Variants in ZNF429 observed in about 807,000 individuals in gnomAD.
The protein encoded by ZNF429 is zinc finger protein 429.
Under a neutral mutation model 56.8 loss-of-function variants are expected in ZNF429, and 53 were observed. The ratio of observed to expected loss-of-function variants is 0.93; its 90% CI spans 0.75 to 1.17. The LOEUF is 1.17. ZNF429 is among the 50% of genes most tolerant of loss of function. The pLI, the probability that ZNF429 is intolerant of heterozygous loss-of-function variation, is 0.00. For missense variants in ZNF429, 849 were observed against 788.4 expected, an observed-to-expected ratio of 1.08 and a Z score of -0.92; for synonymous variants, 278 against 264.7, an observed-to-expected ratio of 1.05 and a Z score of -0.49.
intron 3 of ZNF429, among the ~76,000 whole-genome samples, chr19:21,535,070 GC>G: frequency 3.9e-5 from 5 of 128,886 alleles, no homozygotes; most frequent in African/African-American, 1.5e-4. Context: ...CTTGTGATCC[GC>G]CCGCCTCGGC....
intron 1 of ZNF429, among the ~76,000 whole-genome samples, chr19:21,515,564 T>A (rs2032700223): frequency 6.6e-6 from 1 of 152,060 alleles, no homozygotes; most frequent in Admixed American, 6.6e-5. Context: ...TTTTTTTGTG[T>A]GTGGTGTTTT....
rs142635283 is a variant in ZNF429 at position 21,510,001 on chromosome 19, C to T, written c.3+4227C>T. Among the ~76,000 whole-genome samples the T allele has an allele frequency of 5.1e-3, 770 of 151,924 alleles. 8 individuals are homozygous for T. Among genetic ancestry groups the T allele is most frequent in the African/African-American group, 0.018 (734 of 41,406 alleles). On this transcript the variant is annotated intron_variant, in intron 1 of 3. Coordinates refer to ENST00000358491, the MANE Select transcript of ZNF429 (RefSeq NM_001001415.4). ...TCTGCTTACTGCAACCTCCACCTCCCGGGTTCAAGCAATTCTCATTACTCA... is the reference window on the plus strand; with the variant it reads ...TCTGCTTACTGCAACCTCCACCTCCTGGGTTCAAGCAATTCTCATTACTCA...
intron 1 of ZNF429, among the ~76,000 whole-genome samples, chr19:21,525,784 TA>T: frequency 9.9e-5 from 1 of 10,126 alleles, no homozygotes; most frequent in East Asian, 1.6e-3. Context: ...ATTAAACTCT[TA>T]ATTTCTGTAT....
intron 3 of ZNF429, 82 bp from the exon 4 acceptor site, chr19:21,536,198 A>G: frequency 7.2e-7 from 1 of 1,394,508 alleles, no homozygotes; most frequent in Non-Finnish European, 9.6e-7. Context: ...CGTAGTTTTT[A>G]TAACTTTAGA....
chr19:21,511,922 C>T (rs554514981), intron 1 of ZNF429, among the ~76,000 whole-genome samples: 9 of 152,212 alleles, frequency 5.9e-5, no homozygotes, highest in South Asian at 2.1e-4. Context: ...CAAAAAAATA[C>T]GAAAACCAGT....
At chr19:21,515,674 C>T (rs889351992) in intron 1 of ZNF429, among the ~76,000 whole-genome samples, 6 of 152,028 alleles carry the variant, frequency 3.9e-5, no homozygotes, top group African/African-American at 1.4e-4. Flanking sequence ...CATCATAAAA[C>T]TTTGCCAGTT....
intron 3 of ZNF429, among the ~76,000 whole-genome samples, chr19:21,532,157 T>A: frequency 6.6e-6 from 1 of 151,780 alleles, no homozygotes; most frequent in Non-Finnish European, 1.5e-5. Context: ...ATATTTTGTA[T>A]CTATGGATTG....
At chr19:21,524,820 G>T (rs1047338831) in intron 1 of ZNF429, among the ~76,000 whole-genome samples, 2 of 152,166 alleles carry the variant, frequency 1.3e-5, no homozygotes, top group Non-Finnish European at 1.5e-5. Context: ...TTCAATGTAA[G>T]AGAAATGAAT....
At chr19:21,512,724 A>G (rs2032559497) in intron 1 of ZNF429, among the ~76,000 whole-genome samples, 2 of 151,994 alleles carry the variant, frequency 1.3e-5, no homozygotes, top group Admixed American at 1.3e-4. Context: ...ATGCAGCCCA[A>G]TAGGCTCTGG....
rs2033849020 is a variant in ZNF429 at position 21,539,572 on chromosome 19, C to G, written c.*1494C>G. Among the ~76,000 whole-genome samples, 4 of 150,960 alleles carry G rather than the reference C, an allele frequency of 2.6e-5. No homozygotes were observed. In the South Asian group the frequency reaches 8.4e-4, roughly 32 times the overall value. On this transcript the variant is annotated 3_prime_UTR_variant, in exon 4 of 4. Transcript: ENST00000358491. ...GAGTAGCTGGGAATACAGGCATACA[C>G]CAGCATGTCTGGCTATTTTTTTTTT...
chr19:21,537,233 G>T lies in ZNF429; in HGVS notation c.1180G>T (p.Glu394Ter). 6.2e-7 allele frequency: 1 copy of T among 1,613,882 alleles called. No individual in the cohort carries two copies. Among genetic ancestry groups the T allele is most frequent in the Non-Finnish European group, 8.5e-7 (1 of 1,179,916 alleles). ...LTRHKKIHTGEEPYKFEKCGR... is the reference protein window; with the variant it reads ...LTRHKKIHTG Reference sequence around the variant, plus strand: ...TCGACATAAAAAAATTCATACTGGAGAGGAACCCTACAAATTTGAAAAATG... The same window carrying T: ...TCGACATAAAAAAATTCATACTGGATAGGAACCCTACAAATTTGAAAAATG... Residue 394 changes from glutamate (E) to a stop codon, truncating the protein, a stop_gained, in exon 4 of 4, where the codon GAG becomes TAG. Transcript: ENST00000358491. LOFTEE classifies it high-confidence loss of function.
chr19:21,526,074 C>T (rs576610695), intron 1 of ZNF429, among the ~76,000 whole-genome samples: 13 of 73,964 alleles, frequency 1.8e-4, no homozygotes, highest in Middle Eastern at 5.0e-3. Context: ...CAGACTCATT[C>T]AGACATTGCT....
At chr19:21,521,384 A>C (rs2032980353) in intron 1 of ZNF429, 1 of 152,258 alleles carries the variant, frequency 6.6e-6, no homozygotes, top group South Asian at 2.1e-4. Context: ...ATTTCACAAT[A>C]GATCCCCCAT....
chr19:21,511,219 A>T (rs2032446748), intron 1 of ZNF429, among the ~76,000 whole-genome samples: 1 of 148,868 alleles, frequency 6.7e-6, no homozygotes, highest in African/African-American at 2.5e-5. Context: ...CTGACCCCCC[A>T]CCTCCCTCCC....
intron 1 of ZNF429, among the ~76,000 whole-genome samples, chr19:21,506,645 C>G (rs2032172986): frequency 6.6e-6 from 1 of 150,870 alleles, no homozygotes; most frequent in Non-Finnish European, 1.5e-5. Flanking sequence ...TAATTTCCAT[C>G]TTCAGCTTAC....
chr19:21,506,244 G>A (rs188068137), intron 1 of ZNF429, among the ~76,000 whole-genome samples: 213 of 152,236 alleles, frequency 1.4e-3, no homozygotes, highest in Non-Finnish European at 2.6e-3. Context: ...AGATCACTGA[G>A]GTCCGGCATT....
intron 1 of ZNF429, among the ~76,000 whole-genome samples, chr19:21,511,943 G>T (rs1054793436): frequency 1.3e-5 from 2 of 152,130 alleles, no homozygotes; most frequent in Non-Finnish European, 2.9e-5. Context: ...CAGGCGTGGC[G>T]GTGCGCGCCT....
chr19:21,525,202 T>G (rs1223012269), intron 1 of ZNF429, among the ~76,000 whole-genome samples: 1 of 152,236 alleles, frequency 6.6e-6, no homozygotes, highest in East Asian at 1.9e-4. Flanking sequence ...TTTTTATTAT[T>G]ATTTCTATTT....
At chr19:21,512,829 ATGTC>A (rs2032564102) in intron 1 of ZNF429, among the ~76,000 whole-genome samples, 1 of 151,908 alleles carries the variant, frequency 6.6e-6, no homozygotes, top group East Asian at 1.9e-4. Context: ...TGCAGAGTCT[ATGTC>A]TGGCTTATGT....
Sources: allele counts gnomAD v4.1 joint callset (sites outside exome capture counted in the v4.1 genomes callset), GRCh38; gene constraint gnomAD v4.1.1; transcripts MANE v1.5; gene names NCBI Gene and HGNC (gene_info 2026-07-23, HGNC 2026-07-21).